MYO18B: variants seen among roughly 807,000 people sequenced by gnomAD.
MYO18B encodes unconventional myosin-XVIIIb.
MYO18B carries 204 observed loss-of-function variants against 273.0 expected under a neutral mutation model. That is an observed-to-expected ratio of 0.75 (90% CI 0.67 to 0.84). The LOEUF (loss-of-function observed/expected upper bound fraction) is 0.84, where lower values mean the gene tolerates loss of function less well. MYO18B is among the 40% of genes least tolerant of loss of function. MYO18B has a pLI of 0.00. For missense variants in MYO18B, 3,212 were observed against 3,287.6 expected (o/e 0.98, Z 0.56); for synonymous variants, 1,330 against 1,305.7 (o/e 1.02, Z -0.40).
At chr22:26,031,637 G>A (rs145409162), downstream of MYO18B, among the ~76,000 whole-genome samples, 848 of 152,256 alleles carry the variant, frequency 5.6e-3, 6 homozygotes, top group African/African-American at 0.019. Context: ...TGGGGAAGTG[G>A]GCACACGATT....
intron 12 of MYO18B, among the ~76,000 whole-genome samples, chr22:25,820,576 A>T (rs914534828): frequency 3.9e-5 from 6 of 152,230 alleles, no homozygotes; most frequent in Non-Finnish European, 8.8e-5. Flanking sequence ...ATAAGTGTAC[A>T]TATTTATGGG....
intron 34 of MYO18B, among the ~76,000 whole-genome samples, chr22:25,945,705 TCC>T (rs2092696698): frequency 3.9e-5 from 1 of 25,492 alleles, no homozygotes; most frequent in Non-Finnish European, 7.5e-5. Flanking sequence ...GCCTCCCCTC[TCC>T]CCTCGCCTCC....
At chr22:25,970,616 A>T (rs758055066) in intron 39 of MYO18B, among the ~76,000 whole-genome samples, 1 of 152,064 alleles carries the variant, frequency 6.6e-6, no homozygotes, top group Non-Finnish European at 1.5e-5. Context: ...CCCCCTCTCA[A>T]AGTTTTCAAA....
intron 29 of MYO18B, among the ~76,000 whole-genome samples, chr22:25,900,063 G>C (rs1324565129): frequency 2.0e-5 from 3 of 152,132 alleles, no homozygotes; most frequent in Non-Finnish European, 4.4e-5. Context: ...CATCTGTCTG[G>C]TCTTTCCTTT....
chr22:26,045,077 T>G, the MYO18B span, among the ~76,000 whole-genome samples: 1 of 152,102 alleles, frequency 6.6e-6, no homozygotes. Context: ...GTTTTTGGTT[T>G]TTTTTTTGCA....
In MYO18B at chr22:25,857,264, G is replaced by A. The variant is rs575059675; in HGVS notation, c.3885+5685G>A. ...TTTTTCTGCTGCTGAAGCAGGAGTT[G>A]CCAAGTCTATCTGATCGATGTGAGG... On this transcript the variant is annotated intron_variant, in intron 21 of 43. Coordinates refer to ENST00000335473, the MANE Select transcript of MYO18B (RefSeq NM_032608.7). Among the ~76,000 whole-genome samples, 15 of 152,310 alleles carry A rather than the reference G, an allele frequency of 9.8e-5. No individual in the cohort carries two copies. In the South Asian group the frequency reaches 2.7e-3, roughly 27 times the overall value.
At chr22:25,851,753 T>C (rs2090434310) in intron 21 of MYO18B, among the ~76,000 whole-genome samples, 174 bp downstream of exon 21, 1 of 152,158 alleles carries the variant, frequency 6.6e-6, no homozygotes, top group South Asian at 2.1e-4. Flanking sequence ...CTGGGCAATA[T>C]GACTTTGACT....
rs1435874537 is a variant in MYO18B at position 25,962,077 on chromosome 22, C to G, written c.6156+6713C>G. On this transcript the variant is annotated intron_variant, in intron 39 of 43. Transcript: ENST00000335473. Reference sequence around the variant, plus strand: ...CTGCAGAACCGTGAGCCAAGTAAACCTCTTTTCTTTATAAATTACTCAGCC... The same window carrying G: ...CTGCAGAACCGTGAGCCAAGTAAACGTCTTTTCTTTATAAATTACTCAGCC... Among the ~76,000 whole-genome samples, 3 of 152,186 alleles carry G rather than the reference C, an allele frequency of 2.0e-5. No individual in the cohort carries two copies. In the East Asian group the frequency reaches 5.8e-4, roughly 29 times the overall value.
intron 42 of MYO18B, among the ~76,000 whole-genome samples, chr22:26,006,837 C>G (rs932803734): frequency 6.6e-6 from 1 of 152,168 alleles, no homozygotes; most frequent in Non-Finnish European, 1.5e-5. Flanking sequence ...CCATTTTTAT[C>G]AGCAGCAGTA....
chr22:26,036,584 G>C, the MYO18B span, among the ~76,000 whole-genome samples: 2,534 of 152,290 alleles, frequency 0.017, 73 homozygotes, highest in African/African-American at 0.057. Context: ...CCTACAGCTT[G>C]TAGGATTCAC....
chr22:25,791,663 C>G (rs1357834658), intron 11 of MYO18B, among the ~76,000 whole-genome samples: 1 of 152,082 alleles, frequency 6.6e-6, no homozygotes, highest in East Asian at 1.9e-4. Context: ...ATCCTTGCCA[C>G]CCAGCAGTTT....
At chr22:25,792,497 C>CTTTTTTTTTTTTTTTTT (rs58679561) in intron 11 of MYO18B, among the ~76,000 whole-genome samples, 14 of 107,928 alleles carry the variant, frequency 1.3e-4, no homozygotes, top group East Asian at 3.1e-4. Flanking sequence ...TTTTTCTTTT[C>CTTTTTTTTTTTTTTTTT]TTTTTTTTTT....
intron 39 of MYO18B, among the ~76,000 whole-genome samples, chr22:25,980,713 A>AT (rs1487488736): frequency 5.3e-5 from 8 of 152,334 alleles, no homozygotes; most frequent in African/African-American, 1.7e-4. Context: ...AGTGAATGCT[A>AT]TTAGAAACAG....
intron 42 of MYO18B, among the ~76,000 whole-genome samples, chr22:26,019,959 T>C (rs1426602988): frequency 6.6e-6 from 1 of 152,206 alleles, no homozygotes; most frequent in Non-Finnish European, 1.5e-5. Flanking sequence ...GAAAAATATG[T>C]ATGTGTAGAT....
At chr22:25,990,611 C>A (rs12172625) in intron 39 of MYO18B, among the ~76,000 whole-genome samples, 3 of 140,202 alleles carry the variant, frequency 2.1e-5, no homozygotes, top group East Asian at 4.9e-4. Context: ...TGCTTGGACC[C>A]GGGAGGTGGA....
intron 34 of MYO18B, among the ~76,000 whole-genome samples, chr22:25,924,964 G>T (rs1463992489): frequency 6.6e-6 from 1 of 152,098 alleles, no homozygotes; most frequent in Non-Finnish European, 1.5e-5. Context: ...CATAACCCTA[G>T]GAGGTGGATA....
At chr22:25,878,870 A>C (rs1014887048) in intron 25 of MYO18B, among the ~76,000 whole-genome samples, 2 of 152,222 alleles carry the variant, frequency 1.3e-5, no homozygotes, top group Non-Finnish European at 2.9e-5. Context: ...TGGCCATTCC[A>C]CCTCTAGGTA....
chr22:25,787,317 C>T (rs1270016344), intron 11 of MYO18B, among the ~76,000 whole-genome samples: 1 of 145,776 alleles, frequency 6.9e-6, no homozygotes, highest in Admixed American at 6.8e-5. Flanking sequence ...CACAGTCTGT[C>T]TTACACAGTG....
rs568250175 is a variant in MYO18B at position 25,827,055 on chromosome 22, C to T, written c.2786+556C>T. On this transcript the variant is annotated intron_variant, in intron 14 of 43. Transcript: ENST00000335473. The stretch of plus-strand genomic sequence containing the variant: ...CTAGCCTGGGTGACAGAGCGAGACT[C>T]TCTCAAAACAAAACAAAATGAAACA... Among the ~76,000 whole-genome samples the T allele has an allele frequency of 2.9e-4, 44 of 152,288 alleles. No homozygotes were observed. The South Asian group carries it at 8.9e-3, about 31-fold the overall frequency.
Sources: allele counts gnomAD v4.1 joint callset (sites outside exome capture counted in the v4.1 genomes callset), GRCh38; gene constraint gnomAD v4.1.1; transcripts MANE v1.5; gene names NCBI Gene and HGNC (gene_info 2026-07-23, HGNC 2026-07-21).